Variants in MICAL2 observed in about 807,000 individuals in gnomAD.
MICAL2 encodes [F-actin]-monooxygenase MICAL2.
MICAL2 carries 77 observed loss-of-function variants against 127.3 expected under a neutral mutation model. That is an observed-to-expected ratio of 0.60 (90% CI 0.50 to 0.73). MICAL2 has a LOEUF of 0.73. Ranked by LOEUF, MICAL2 falls within the 30% of genes least tolerant of loss-of-function variation. MICAL2 has a pLI of 0.00. For missense variants in MICAL2, 1,351 were observed against 1,434.4 expected (o/e 0.94, Z 0.94); for synonymous variants, 570 against 551.1 (o/e 1.03, Z -0.48).
At chr11:12,125,830 C>A (rs1850872481) in intron 1 of MICAL2, among the ~76,000 whole-genome samples, 1 of 151,820 alleles carries the variant, frequency 6.6e-6, no homozygotes, top group South Asian at 2.1e-4. Flanking sequence ...CTTTTGTATT[C>A]TTTTGACTTT....
At chr11:12,308,225 C>A (rs946703290) in intron 29 of MICAL2, 1 of 152,098 alleles carries the variant, frequency 6.6e-6, no homozygotes, top group Non-Finnish European at 1.5e-5. Flanking sequence ...GAAAGTCTTA[C>A]AACTTTGTTT....
intron 32 of MICAL2, among the ~76,000 whole-genome samples, chr11:12,328,162 A>T (rs1800918468): frequency 6.6e-6 from 1 of 152,254 alleles, no homozygotes; most frequent in Non-Finnish European, 1.5e-5. Flanking sequence ...CATCTGGTGA[A>T]GACCTACTAT....
intron 12 of MICAL2, 121 bp from the exon 13 acceptor site, chr11:12,224,552 G>A (rs1590449596): frequency 7.3e-7 from 1 of 1,366,548 alleles, no homozygotes; most frequent in Non-Finnish European, 1.0e-6. Context: ...CCCTGCCCTG[G>A]CCCCTTGCCT....
chr11:12,155,295 AC>A (rs1854035966), intron 2 of MICAL2, among the ~76,000 whole-genome samples: 1 of 152,104 alleles, frequency 6.6e-6, no homozygotes, highest in South Asian at 2.1e-4. Flanking sequence ...TTGCATACTC[AC>A]CACACATACA....
intron 3 of MICAL2, among the ~76,000 whole-genome samples, chr11:12,176,152 C>G (rs1270414235): frequency 1.3e-5 from 2 of 152,188 alleles, no homozygotes; most frequent in African/African-American, 4.8e-5. Flanking sequence ...ACTCTCTCAC[C>G]ACAAACCAGC....
At chr11:12,146,763 A>G (rs922283246) in intron 2 of MICAL2, among the ~76,000 whole-genome samples, 3 of 152,194 alleles carry the variant, frequency 2.0e-5, no homozygotes, top group Non-Finnish European at 4.4e-5. Flanking sequence ...ACATGCACAC[A>G]TATGTTTATT....
intron 12 of MICAL2, 146 bp downstream of exon 12, chr11:12,223,647 C>A: frequency 1.6e-6 from 1 of 644,394 alleles, no homozygotes; most frequent in Non-Finnish European, 2.7e-6. Flanking sequence ...CACCTGTCCT[C>A]TTTGTACTCC....
intron 1 of MICAL2, among the ~76,000 whole-genome samples, chr11:12,130,302 G>A (rs1565002193): frequency 6.6e-6 from 1 of 152,188 alleles, no homozygotes; most frequent in Non-Finnish European, 1.5e-5. Flanking sequence ...AGGTGGAGGA[G>A]GCAAGAGGAG....
At chr11:12,164,334 A>G (rs1330035226) in intron 3 of MICAL2, among the ~76,000 whole-genome samples, 1 of 152,224 alleles carries the variant, frequency 6.6e-6, no homozygotes, top group Non-Finnish European at 1.5e-5. Flanking sequence ...CACATGTGAG[A>G]TAACCCATCT....
chr11:12,146,069 A>G (rs1852870104), intron 2 of MICAL2, among the ~76,000 whole-genome samples: 1 of 152,196 alleles, frequency 6.6e-6, no homozygotes. Context: ...TTAATTCAAG[A>G]TGGATTAAAG....
At chr11:12,168,753 G>A (rs1269173429) in intron 3 of MICAL2, among the ~76,000 whole-genome samples, 1 of 151,722 alleles carries the variant, frequency 6.6e-6, no homozygotes, top group East Asian at 1.9e-4. Context: ...GTGAGACCGG[G>A]CAAGTGGGAC....
chr11:12,264,205 T>C (rs965294357), downstream of MICAL2, among the ~76,000 whole-genome samples: 2 of 152,166 alleles, frequency 1.3e-5, no homozygotes, highest in African/African-American at 4.8e-5. Flanking sequence ...AAGGTTGGTC[T>C]GGAACACTTC....
At chr11:12,135,620 A>C (rs1188580992) in intron 1 of MICAL2, among the ~76,000 whole-genome samples, 1 of 152,224 alleles carries the variant, frequency 6.6e-6, no homozygotes, top group Non-Finnish European at 1.5e-5. Context: ...CACAGAGATG[A>C]TGTGATTTGC....
In MICAL2 at chr11:12,223,020, C is replaced by G. The variant is rs569677240; in HGVS notation, c.1449+277C>G. 4.6e-4 allele frequency among the ~76,000 whole-genome samples: 70 copies of G among 152,224 alleles called. 1 individual carries two copies. In the South Asian group the frequency reaches 0.014, roughly 31 times the overall value. On this transcript the variant is annotated intron_variant, in intron 11 of 27. Transcript: ENST00000683283. ...TATGCATATGCATTGCTGATCTTAC[C>G]TGTCTCAAATAAGCTACTTGGCCAA...
chr11:12,311,023 A>G (rs1397539634), intron 29 of MICAL2, among the ~76,000 whole-genome samples: 2 of 152,076 alleles, frequency 1.3e-5, no homozygotes, highest in African/African-American at 4.8e-5. Flanking sequence ...ACCAATTTTT[A>G]TATATTGATT....
rs1186685823 is a variant in MICAL2 at position 12,262,521 on chromosome 11, C to A, written c.*1C>A. ...AGTGCTACACCCACTTCTTGGCTGA[C>A]ACACTTCTGCTCTAAGGTGACTGGT... On this transcript the variant is annotated 3_prime_UTR_variant, in exon 27 of 28. Coordinates refer to ENST00000683283, the MANE Select transcript of MICAL2 (RefSeq NM_001282663.2). 1.9e-6 allele frequency: 3 copies of A among 1,613,032 alleles called. No homozygotes were observed. In the African/African-American group the frequency reaches 4.0e-5, roughly 22 times the overall value.
At chr11:12,151,122 G>T (rs1853533214) in intron 2 of MICAL2, among the ~76,000 whole-genome samples, 1 of 152,072 alleles carries the variant, frequency 6.6e-6, no homozygotes, top group East Asian at 1.9e-4. Context: ...GAGTGCCTGG[G>T]GGTGTTTCTG....
intron 3 of MICAL2, among the ~76,000 whole-genome samples, chr11:12,200,143 CA>C (rs1423897901): frequency 6.6e-6 from 1 of 152,176 alleles, no homozygotes; most frequent in Non-Finnish European, 1.5e-5. Context: ...ATACAGAGGA[CA>C]GGGGCAGCCT....
Position 12,220,373 on chromosome 11 carries a change from T to G in MICAL2, c.1121T>G (p.Met374Arg). 1 of 1,614,238 alleles carries G rather than the reference T, an allele frequency of 6.2e-7. No homozygotes were observed. The highest frequency in any genetic ancestry group is 1.1e-5 in the South Asian group (1 of 91,082). The change falls in exon 9 of 28, where the codon ATG (methionine) becomes AGG (arginine). Residue 374 changes from methionine to arginine, a missense_variant. This residue lies in a region of MICAL2 where 599 missense variants were observed against 714.9 expected (regional missense o/e 0.84). Transcript: ENST00000683283. ...GTGGCCATGTTTGACTTTACCTGCATGTATGCCTCAGAGAACGCGGCCCTG... is the reference window on the plus strand; with the variant it reads ...GTGGCCATGTTTGACTTTACCTGCAGGTATGCCTCAGAGAACGCGGCCCTG... ...PDVAMFDFTC[M>R]YASENAALVR...
Sources: allele counts gnomAD v4.1 joint callset (sites outside exome capture counted in the v4.1 genomes callset), GRCh38; gene constraint gnomAD v4.1.1; regional missense constraint gnomAD v4.1.1; transcripts MANE v1.5; gene names NCBI Gene and HGNC (gene_info 2026-07-23, HGNC 2026-07-21).